SRBD1: variants seen among roughly 807,000 people sequenced by gnomAD.
SRBD1 encodes S1 RNA binding domain 1, also known as S1 RNA-binding domain-containing protein 1.
SRBD1 carries 88 observed loss-of-function variants against 115.3 expected under a neutral mutation model. The observed-to-expected ratio is 0.76, with a 90% CI of 0.64 to 0.91. The LOEUF is 0.91. Among genes scored for constraint, SRBD1 ranks in the 40% least tolerant of loss-of-function variants. The pLI is 0.00. For missense variants in SRBD1, 1,385 were observed against 1,177.4 expected (o/e 1.18, Z -2.58); for synonymous variants, 509 against 407.7 (o/e 1.25, Z -2.99).
intron 14 of SRBD1, among the ~76,000 whole-genome samples, chr2:45,488,748 T>A (rs1670199611): frequency 6.6e-6 from 1 of 152,120 alleles, no homozygotes; most frequent in Admixed American, 6.5e-5. Flanking sequence ...TAAGGCACCT[T>A]GAAAAGCATA....
intron 14 of SRBD1, among the ~76,000 whole-genome samples, chr2:45,511,423 T>C (rs1404350706): frequency 6.6e-6 from 1 of 152,228 alleles, no homozygotes; most frequent in African/African-American, 2.4e-5. Context: ...GTAAGAGTCA[T>C]GTTCATCTAC....
intron 16 of SRBD1, among the ~76,000 whole-genome samples, chr2:45,471,788 G>A (rs1471438231): frequency 6.6e-6 from 1 of 151,908 alleles, no homozygotes; most frequent in Admixed American, 6.6e-5. Context: ...GGTATGTAGT[G>A]GCTCTTTACA....
intron 6 of SRBD1, among the ~76,000 whole-genome samples, 172 bp from the exon 7 acceptor site, chr2:45,580,185 G>GA (rs1276077226): frequency 1.3e-5 from 2 of 152,174 alleles, no homozygotes; most frequent in Non-Finnish European, 2.9e-5. Context: ...ACTGTATGAA[G>GA]ATGGTATGTG....
intron 20 of SRBD1, among the ~76,000 whole-genome samples, chr2:45,391,984 A>G (rs1424202975): frequency 6.6e-6 from 1 of 152,158 alleles, no homozygotes; most frequent in Non-Finnish European, 1.5e-5. Flanking sequence ...AGAAATTCCC[A>G]TAAAAGGATA....
intron 14 of SRBD1, among the ~76,000 whole-genome samples, chr2:45,492,831 C>T (rs112762389): frequency 6.6e-6 from 1 of 152,142 alleles, no homozygotes; most frequent in South Asian, 2.1e-4. Context: ...CTTTTCTTCC[C>T]ATTTCCCAAA....
At chr2:45,521,743 G>C (rs1307374921) in intron 14 of SRBD1, among the ~76,000 whole-genome samples, 2 of 151,520 alleles carry the variant, frequency 1.3e-5, no homozygotes, top group African/African-American at 4.9e-5. Context: ...AAAGTGGGAG[G>C]ATCACTTGAG....
chr2:45,547,869 G>A (rs1289683479), intron 12 of SRBD1, among the ~76,000 whole-genome samples: 1 of 152,058 alleles, frequency 6.6e-6, no homozygotes, highest in Non-Finnish European at 1.5e-5. Flanking sequence ...AAGAAAAATG[G>A]TTTTCACTAA....
At chr2:45,532,480 T>C (rs1572742408) in intron 14 of SRBD1, among the ~76,000 whole-genome samples, 1 of 151,908 alleles carries the variant, frequency 6.6e-6, no homozygotes, top group East Asian at 1.9e-4. Context: ...TAATGCTGCA[T>C]GAGTAGAGAA....
At chr2:45,473,819 G>A (rs1281358201) in intron 16 of SRBD1, among the ~76,000 whole-genome samples, 2 of 152,216 alleles carry the variant, frequency 1.3e-5, no homozygotes, top group East Asian at 1.9e-4. Context: ...CATTCATAAG[G>A]TGTTTTCAGA....
At chr2:45,518,997 T>C (rs1671203366) in intron 14 of SRBD1, among the ~76,000 whole-genome samples, 1 of 151,488 alleles carries the variant, frequency 6.6e-6, no homozygotes, top group African/African-American at 2.4e-5. Context: ...ACCATTTTTC[T>C]CTAGCAGAAT....
At chr2:45,429,484 T>C (rs1215033064) in intron 16 of SRBD1, among the ~76,000 whole-genome samples, 2 of 151,638 alleles carry the variant, frequency 1.3e-5, no homozygotes, top group Non-Finnish European at 2.9e-5. Flanking sequence ...GCAAGGCTGA[T>C]TCAACATACA....
chr2:45,546,324 C>T (rs1672117852), intron 14 of SRBD1: 1 of 985,282 alleles, frequency 1.0e-6, no homozygotes, highest in Admixed American at 6.1e-5. Context: ...TACCTTGGCT[C>T]TCAGTTCTGA....
chr2:45,416,269 T>TA (rs35509335), intron 18 of SRBD1, among the ~76,000 whole-genome samples: 16,705 of 130,628 alleles, frequency 0.13, 1,105 homozygotes, highest in East Asian at 0.2. Flanking sequence ...GTATAAAAAT[T>TA]AAAAAAAACA....
chr2:45,488,152 T>C, intron 15 of SRBD1, 88 bp downstream of exon 15: 2 of 1,138,342 alleles, frequency 1.8e-6, no homozygotes, highest in Non-Finnish European at 2.6e-6. Flanking sequence ...TTTTAAATTT[T>C]CTTTGATATT....
chr2:45,456,350 C>G (rs909996930), intron 16 of SRBD1, among the ~76,000 whole-genome samples: 3 of 151,896 alleles, frequency 2.0e-5, no homozygotes, highest in African/African-American at 7.2e-5. Flanking sequence ...GACAGGATGG[C>G]CTGCTATCCC....
At chr2:45,575,231 C>A (rs1424066592) in intron 7 of SRBD1, among the ~76,000 whole-genome samples, 2 of 152,182 alleles carry the variant, frequency 1.3e-5, no homozygotes, top group South Asian at 4.1e-4. Flanking sequence ...ACATTTTCAA[C>A]GACCCATTTG....
intron 1 of SRBD1, among the ~76,000 whole-genome samples, chr2:45,610,746 G>A (rs1674420207): frequency 6.6e-6 from 1 of 152,262 alleles, no homozygotes; most frequent in East Asian, 1.9e-4. Flanking sequence ...TCCCACCTCC[G>A]ATAATTTTAG....
At chr2:45,564,031 G>A (rs1672750400) in intron 9 of SRBD1, among the ~76,000 whole-genome samples, 1 of 152,092 alleles carries the variant, frequency 6.6e-6, no homozygotes, top group South Asian at 2.1e-4. Flanking sequence ...GAATATAGAT[G>A]TAAAAATCCT....
intron 16 of SRBD1, among the ~76,000 whole-genome samples, chr2:45,462,883 G>A (rs1171693567): frequency 6.6e-6 from 1 of 151,208 alleles, no homozygotes; most frequent in African/African-American, 2.4e-5. Flanking sequence ...CCCAAAAATA[G>A]ATTTTTTAAG....
Sources: gnomAD v4.1 joint callset for allele counts (sites outside exome capture counted in the v4.1 genomes callset) on GRCh38, gnomAD v4.1.1 for gene constraint, MANE v1.5 for transcripts, NCBI Gene and HGNC (gene_info 2026-07-23, HGNC 2026-07-21) for gene names.